The following OTOGL variants were observed in gnomAD, a reference collection of about 807,000 sequenced individuals.
The protein encoded by OTOGL is otogelin like, also known as otogelin-like protein.
Under a neutral mutation model 318.5 loss-of-function variants are expected in OTOGL, and 285 were observed. The ratio of observed to expected loss-of-function variants is 0.89; its 90% CI spans 0.81 to 0.99. OTOGL has a LOEUF of 0.99. OTOGL is among the 50% of genes least tolerant of loss of function. OTOGL has a pLI of 0.00. For missense variants in OTOGL, 2,899 were observed against 2,845.6 expected, an observed-to-expected ratio of 1.02 and a Z score of -0.43; for synonymous variants, 987 against 936.5, an observed-to-expected ratio of 1.05 and a Z score of -0.99.
At chr12:80,114,034 T>TAC (rs1371160659) in intron 1 of OTOGL, among the ~76,000 whole-genome samples, 24 of 152,312 alleles carry the variant, frequency 1.6e-4, no homozygotes, top group African/African-American at 5.8e-4. Flanking sequence ...GTCTCCTGAA[T>TAC]ACAGCACACC....
chr12:80,346,624 A>T (rs1889212989), intron 44 of OTOGL, among the ~76,000 whole-genome samples: 1 of 152,120 alleles, frequency 6.6e-6, no homozygotes, highest in African/African-American at 2.4e-5. Context: ...CCATTTAAAA[A>T]TTGCCTCTTT....
intron 53 of OTOGL, among the ~76,000 whole-genome samples, chr12:80,366,959 C>T (rs1326359226): frequency 6.6e-6 from 1 of 151,542 alleles, no homozygotes; most frequent in African/African-American, 2.4e-5. Flanking sequence ...ATGTTATGCC[C>T]ATTATATTAG....
intron 1 of OTOGL, among the ~76,000 whole-genome samples, chr12:80,155,985 G>A (rs116128202): frequency 0.065 from 9,908 of 152,214 alleles, 1,016 homozygotes; most frequent in African/African-American, 0.22. Flanking sequence ...ACTCCATTAT[G>A]TATATGTACC....
intron 11 of OTOGL, 106 bp from the exon 12 acceptor site, chr12:80,251,587 C>A: frequency 1.4e-6 from 1 of 737,406 alleles, no homozygotes; most frequent in Non-Finnish European, 2.2e-6. Context: ...CAATTAACAT[C>A]GGAGTATTCA....
intron 1 of OTOGL, among the ~76,000 whole-genome samples, chr12:80,143,505 C>G (rs987936361): frequency 1.3e-5 from 2 of 152,124 alleles, no homozygotes; most frequent in Admixed American, 6.5e-5. Context: ...CCTTACCAGC[C>G]TTAATTTCTC....
intron 1 of OTOGL, among the ~76,000 whole-genome samples, chr12:80,197,845 C>T (rs1876184791): frequency 6.6e-6 from 1 of 152,224 alleles, no homozygotes; most frequent in South Asian, 2.1e-4. Context: ...CCTCTTTCCT[C>T]ACTGGGGACT....
intron 9 of OTOGL, among the ~76,000 whole-genome samples, chr12:80,236,797 C>G (rs11613265): frequency 0.071 from 10,402 of 146,564 alleles, 466 homozygotes; most frequent in Middle Eastern, 0.11. Flanking sequence ...TTTTGTTTTT[C>G]TTTTTTTCTT....
chr12:80,168,182 C>T (rs1259162972), intron 1 of OTOGL, among the ~76,000 whole-genome samples: 1 of 152,058 alleles, frequency 6.6e-6, no homozygotes, highest in African/African-American at 2.4e-5. Context: ...GTCTTGAACT[C>T]CTGAGCTCAA....
chr12:80,157,530 T>C (rs1305129377), intron 1 of OTOGL, among the ~76,000 whole-genome samples: 1 of 152,176 alleles, frequency 6.6e-6, no homozygotes, highest in Non-Finnish European at 1.5e-5. Context: ...GTTTTCCAAA[T>C]GTTTTCTTGT....
At position 80,136,635 on chromosome 12, in the gene OTOGL, T is replaced by C. The variant is rs78031035; in HGVS notation, c.-20+37030T>C. Reference sequence around the variant, plus strand: ...TTTTGGACTTGTTCTTCCTTCTACCTGGACCATAATTTCTCTAGGCAGCTG... The same window carrying C: ...TTTTGGACTTGTTCTTCCTTCTACCCGGACCATAATTTCTCTAGGCAGCTG... On this transcript the variant is annotated intron_variant, in intron 1 of 58. Coordinates refer to ENST00000547103, the MANE Select transcript of OTOGL (RefSeq NM_001378609.3). Among the ~76,000 whole-genome samples the C allele has an allele frequency of 4.2e-3, 636 of 152,284 alleles. 26 individuals carry two copies. The East Asian group carries it at 0.075, about 18-fold the overall frequency.
intron 49 of OTOGL, among the ~76,000 whole-genome samples, chr12:80,357,821 C>T (rs533230886): frequency 1.2e-4 from 18 of 152,250 alleles, no homozygotes; most frequent in Admixed American, 2.6e-4. Context: ...TGGTGCATTT[C>T]CTCAAGGTCA....
intron 11 of OTOGL, among the ~76,000 whole-genome samples, chr12:80,249,731 AGCCTGGGCGATGGCGGGC>A (rs1881314410): frequency 1.3e-5 from 2 of 152,172 alleles, no homozygotes; most frequent in Non-Finnish European, 2.9e-5. Flanking sequence ...TACCTAAGGA[AGCCTGGGCGATGGCGGGC>A]GCCCCTCCCC....
chr12:80,134,624 A>G (rs995966865), intron 1 of OTOGL, among the ~76,000 whole-genome samples: 1 of 152,164 alleles, frequency 6.6e-6, no homozygotes, highest in Non-Finnish European at 1.5e-5. Flanking sequence ...TAAGACTCCT[A>G]TTCCCTGGGT....
At chr12:80,239,846 A>T (rs1018637963) in intron 11 of OTOGL, among the ~76,000 whole-genome samples, 15 of 151,958 alleles carry the variant, frequency 9.9e-5, no homozygotes, top group African/African-American at 3.6e-4. Flanking sequence ...CTACATGTAC[A>T]TTGTACCCAT....
intron 1 of OTOGL, chr12:80,132,198 A>G (rs1871280937): frequency 6.6e-6 from 1 of 152,220 alleles, no homozygotes; most frequent in African/African-American, 2.4e-5. Flanking sequence ...GTGGCACCAC[A>G]CCTATATAAG....
intron 33 of OTOGL, among the ~76,000 whole-genome samples, chr12:80,319,631 T>C (rs1462342541): frequency 6.6e-6 from 1 of 152,162 alleles, no homozygotes; most frequent in African/African-American, 2.4e-5. Flanking sequence ...GCCTTTGAAA[T>C]AATATTGAAT....
At chr12:80,345,940 A>G (rs1465110989) in intron 44 of OTOGL, among the ~76,000 whole-genome samples, 1 of 152,192 alleles carries the variant, frequency 6.6e-6, no homozygotes, top group Non-Finnish European at 1.5e-5. Flanking sequence ...AGTCCATACA[A>G]TAGTGGAAAA....
At chr12:80,228,415 G>A (rs1443124554) in intron 7 of OTOGL, among the ~76,000 whole-genome samples, 6 of 151,938 alleles carry the variant, frequency 3.9e-5, no homozygotes, top group East Asian at 1.9e-4. Context: ...GCACTCCAGC[G>A]TGGGTGACAG....
At chr12:80,250,624 C>CT (rs990407317) in intron 11 of OTOGL, among the ~76,000 whole-genome samples, 2 of 151,720 alleles carry the variant, frequency 1.3e-5, no homozygotes, top group Non-Finnish European at 2.9e-5. Context: ...ATGCTCAGTC[C>CT]TTTTTTCGTT....
Sources: gnomAD v4.1 joint callset for allele counts (sites outside exome capture counted in the v4.1 genomes callset) on GRCh38, gnomAD v4.1.1 for gene constraint, MANE v1.5 for transcripts, NCBI Gene and HGNC (gene_info 2026-07-23, HGNC 2026-07-21) for gene names.